Variants in ARHGAP18 observed in about 807,000 individuals in gnomAD.
The protein encoded by ARHGAP18 is rho GTPase-activating protein 18.
A neutral mutation model predicts 86.2 loss-of-function variants in ARHGAP18; 67 were observed. That is an observed-to-expected ratio of 0.78 (90% CI 0.64 to 0.95). ARHGAP18 has a LOEUF of 0.95. Ranked by LOEUF, ARHGAP18 falls within the 40% of genes least tolerant of loss-of-function variation. The probability of loss-of-function intolerance (pLI) is 0.00; values close to 1 mark genes in which losing one functional copy is unlikely to be tolerated. For missense variants in ARHGAP18, 691 were observed against 780.4 expected (o/e 0.89, Z 1.37); for synonymous variants, 283 against 280.4 (o/e 1.01, Z -0.09).
intron 1 of ARHGAP18, among the ~76,000 whole-genome samples, chr6:129,664,759 T>C (rs781301196): frequency 6.6e-6 from 1 of 152,156 alleles, no homozygotes; most frequent in East Asian, 1.9e-4. Context: ...CACATTCTAG[T>C]GGCAAGGAGA....
intron 1 of ARHGAP18, among the ~76,000 whole-genome samples, chr6:129,650,420 T>C (rs1384709198): frequency 6.6e-6 from 1 of 152,186 alleles, no homozygotes; most frequent in Non-Finnish European, 1.5e-5. Context: ...AGACTATCAC[T>C]GGCCAGACAT....
intron 11 of ARHGAP18, among the ~76,000 whole-genome samples, chr6:129,599,613 G>C (rs1788695600): frequency 6.6e-6 from 1 of 152,162 alleles, no homozygotes; most frequent in South Asian, 2.1e-4. Flanking sequence ...GCTTTGTGAA[G>C]TTCAAGGACA....
chr6:129,661,897 C>T lies in ARHGAP18; in HGVS notation c.114-19879G>A, dbSNP rs958304848. 10 of 985,220 alleles carry T rather than the reference C, an allele frequency of 1.0e-5. No individual in the cohort carries two copies. In the East Asian group the frequency reaches 1.1e-3, roughly 112 times the overall value. 61.0% of individuals were successfully genotyped at this position (985,220 alleles called of 1,614,324 possible). ...TTCAGAACCCAACAGCTGTTTAGAG[C>T]TGGTTTCAAGTCCACCAAGCAGTCA... On this transcript the variant is annotated intron_variant, in intron 1 of 14. Transcript: ENST00000368149.
intron 13 of ARHGAP18, among the ~76,000 whole-genome samples, chr6:129,581,578 C>T (rs568893067): frequency 1.3e-5 from 2 of 152,166 alleles, no homozygotes; most frequent in South Asian, 4.1e-4. Flanking sequence ...CTGTGTTCTA[C>T]TTTAAAGAAA....
At chr6:129,607,830 A>G in intron 9 of ARHGAP18, 63 bp downstream of exon 9, 1 of 1,464,650 alleles carries the variant, frequency 6.8e-7, no homozygotes, top group Non-Finnish European at 9.1e-7. Flanking sequence ...GCCAAATGTC[A>G]TTAAAACAAT....
chr6:129,689,345 G>T (rs576498573), intron 1 of ARHGAP18, among the ~76,000 whole-genome samples: 2 of 152,184 alleles, frequency 1.3e-5, no homozygotes. Context: ...CCAAGCTAGA[G>T]TGCAGTAGCG....
At chr6:129,590,342 C>T (rs1788483837) in intron 12 of ARHGAP18, among the ~76,000 whole-genome samples, 1 of 152,174 alleles carries the variant, frequency 6.6e-6, no homozygotes, top group Non-Finnish European at 1.5e-5. Context: ...GCACAGAAAG[C>T]ACCACATCTG....
rs181017947 is a variant in ARHGAP18 at position 129,605,719 on chromosome 6, A to G, written c.1365+158T>C. On this transcript the variant is annotated intron_variant, in intron 10 of 14. Coordinates refer to ENST00000368149, the MANE Select transcript of ARHGAP18 (RefSeq NM_033515.3). ...TTAGTAACATAACAACCTCATAAAG[A>G]GTTAAAGGCTTTCACCCTCTGTCCT... 1.8e-3 allele frequency among the ~76,000 whole-genome samples: 275 copies of G among 152,348 alleles called. 1 individual carries two copies. The highest frequency in any genetic ancestry group is 5.9e-3 in the African/African-American group (246 of 41,592).
rs764895871 is a variant in ARHGAP18 at position 129,710,171 on chromosome 6, C to G, written c.-35G>C. On this transcript the variant is annotated 5_prime_UTR_variant, in exon 1 of 15. Transcript: ENST00000368149. ...AGGGACATACTTTCTGCGATCCTGA[C>G]ACAGAGAAGGGGAAAGAAGTTCCTG... 1.3e-6 allele frequency: 2 copies of G among 1,532,744 alleles called. No homozygotes were observed. Among genetic ancestry groups the G allele is most frequent in the Non-Finnish European group, 1.8e-6 (2 of 1,109,126 alleles). The allele number at this position is 1,532,744 out of a possible 1,614,324, so 94.9% of individuals were successfully genotyped here. A position where few individuals can be genotyped will look rare whatever the true frequency, so the allele number is the denominator to read the frequency against.
At chr6:129,579,409 T>A (rs1788242503) in intron 14 of ARHGAP18, among the ~76,000 whole-genome samples, 1 of 152,134 alleles carries the variant, frequency 6.6e-6, no homozygotes, top group African/African-American at 2.4e-5. Context: ...ATTGCAAAAT[T>A]ATTTTTAATT....
chr6:129,578,411 C>T lies in ARHGAP18; in HGVS notation c.*102G>A. The T allele has an allele frequency of 1.2e-6, 1 of 831,664 alleles. No homozygotes were observed. Among genetic ancestry groups the T allele is most frequent in the Non-Finnish European group, 1.9e-6 (1 of 538,768 alleles). 51.5% of individuals were successfully genotyped at this position (831,664 alleles called of 1,614,324 possible). A position where few individuals can be genotyped will look rare whatever the true frequency, so the allele number is the denominator to read the frequency against. On this transcript the variant is annotated 3_prime_UTR_variant, in exon 15 of 15. Transcript: ENST00000368149. ...AGAGTCATTTTTAAATACTTGGGTA[C>T]AACTGAATAATATGAGTCCTGCCAT... is the stretch of plus-strand genomic sequence containing the variant.
intron 4 of ARHGAP18, among the ~76,000 whole-genome samples, chr6:129,631,951 G>T (rs1773227542): frequency 6.8e-6 from 1 of 146,894 alleles, no homozygotes; most frequent in African/African-American, 2.5e-5. Context: ...GAATTAATTT[G>T]GAATGTGACA....
intron 12 of ARHGAP18, among the ~76,000 whole-genome samples, chr6:129,588,261 G>C (rs1788440244): frequency 6.6e-6 from 1 of 152,066 alleles, no homozygotes; most frequent in Non-Finnish European, 1.5e-5. Context: ...GAGATTATAG[G>C]TGTGTGCCAC....
intron 5 of ARHGAP18, among the ~76,000 whole-genome samples, chr6:129,621,956 A>T (rs1395841978): frequency 1.3e-5 from 2 of 152,040 alleles, no homozygotes. Flanking sequence ...ATTCTGTTCT[A>T]CTCCATTTTT....
chr6:129,579,964 G>A (rs978543896), intron 14 of ARHGAP18, 106 bp downstream of exon 14: 2 of 927,622 alleles, frequency 2.2e-6, no homozygotes, highest in Non-Finnish European at 3.3e-6. Flanking sequence ...CTAAAGCATG[G>A]TATATTTTAC....
chr6:129,685,863 T>C (rs1455533946), intron 1 of ARHGAP18, among the ~76,000 whole-genome samples: 1 of 152,158 alleles, frequency 6.6e-6, no homozygotes. Context: ...GTTTTCTCCC[T>C]ACTCAAGCCC....
At chr6:129,646,185 T>C (rs186066225) in intron 1 of ARHGAP18, among the ~76,000 whole-genome samples, 29 of 152,312 alleles carry the variant, frequency 1.9e-4, no homozygotes, top group African/African-American at 6.5e-4. Context: ...GGAGTCTAAG[T>C]ACCAAATGAT....
At chr6:129,613,158 C>G (rs546074199) in intron 7 of ARHGAP18, among the ~76,000 whole-genome samples, 1 of 149,090 alleles carries the variant, frequency 6.7e-6, no homozygotes, top group Non-Finnish European at 1.5e-5. Flanking sequence ...GTGTGAACCC[C>G]AGAGGCGGAG....
intron 1 of ARHGAP18, among the ~76,000 whole-genome samples, chr6:129,649,675 GAA>G (rs532314871): frequency 8.8e-5 from 12 of 135,636 alleles, no homozygotes; most frequent in Middle Eastern, 3.8e-3. Flanking sequence ...GGGTAGAAAA[GAA>G]AAAAAAAAAA....
Sources: gnomAD v4.1 joint callset for allele counts (sites outside exome capture counted in the v4.1 genomes callset) on GRCh38, gnomAD v4.1.1 for gene constraint, MANE v1.5 for transcripts, NCBI Gene and HGNC (gene_info 2026-07-23, HGNC 2026-07-21) for gene names.